The following ASCC1 variants were observed in gnomAD, a reference collection of about 807,000 sequenced individuals.
ASCC1 encodes activating signal cointegrator 1 complex subunit 1, also known as ASC-1 complex subunit P50.
In ASCC1, 35 loss-of-function variants were observed where a neutral mutation model predicts 46.6. That is an observed-to-expected ratio of 0.75 (90% CI 0.57 to 0.99). The LOEUF (loss-of-function observed/expected upper bound fraction) is 0.99. ASCC1 is among the 50% of genes least tolerant of loss of function. The pLI is 0.00. For missense variants in ASCC1, 376 were observed against 428.7 expected, an observed-to-expected ratio of 0.88 and a Z score of 1.09; for synonymous variants, 143 against 146.6, an observed-to-expected ratio of 0.98 and a Z score of 0.18.
intron 9 of ASCC1, among the ~76,000 whole-genome samples, chr10:72,113,586 A>G (rs552301106): frequency 6.6e-6 from 1 of 152,332 alleles, no homozygotes; most frequent in Non-Finnish European, 1.5e-5. Flanking sequence ...CCAAGGAAAA[A>G]ATTTGGTGAA....
intron 4 of ASCC1, chr10:72,198,481 G>A (rs1002175201): frequency 2.2e-6 from 1 of 452,768 alleles, no homozygotes; most frequent in African/African-American, 2.0e-5. Flanking sequence ...CAAAGGCCAA[G>A]GCAGGAGGAT....
intron 5 of ASCC1, chr10:72,190,113 G>C: frequency 1.3e-6 from 1 of 759,968 alleles, no homozygotes. Context: ...ACCAAGCAAG[G>C]TTACATTATA....
chr10:72,146,873 G>A (rs191521397), intron 7 of ASCC1, among the ~76,000 whole-genome samples: 14 of 151,978 alleles, frequency 9.2e-5, no homozygotes, highest in Non-Finnish European at 1.9e-4. Flanking sequence ...TTAAGTGCTT[G>A]TATCTTCATT....
chr10:72,105,203 C>A (rs1842209070), intron 9 of ASCC1, among the ~76,000 whole-genome samples: 1 of 152,214 alleles, frequency 6.6e-6, no homozygotes, highest in Non-Finnish European at 1.5e-5. Context: ...GGCAGCCACC[C>A]CACATGACGA....
At chr10:72,146,467 G>A (rs752160816) in intron 7 of ASCC1, among the ~76,000 whole-genome samples, 16 of 152,184 alleles carry the variant, frequency 1.1e-4, no homozygotes, top group South Asian at 2.1e-4. Context: ...GAAAATAGGT[G>A]AACTGTGATA....
intron 7 of ASCC1, among the ~76,000 whole-genome samples, chr10:72,148,450 A>G (rs11000190): frequency 0.16 from 23,986 of 152,182 alleles, 5,997 homozygotes; most frequent in African/African-American, 0.53. Context: ...GACAAATTAT[A>G]GTTATTCAGG....
intron 8 of ASCC1, among the ~76,000 whole-genome samples, chr10:72,128,485 T>C (rs974019140): frequency 3.9e-5 from 6 of 152,238 alleles, no homozygotes; most frequent in Non-Finnish European, 7.3e-5. Flanking sequence ...TAGTTCCTCA[T>C]TGACAAAGTG....
At chr10:72,162,047 A>G (rs1474110367) in intron 5 of ASCC1, among the ~76,000 whole-genome samples, 1 of 152,234 alleles carries the variant, frequency 6.6e-6, no homozygotes, top group Non-Finnish European at 1.5e-5. Context: ...AGGAAAGTGA[A>G]AAGAAGCCTA....
chr10:72,191,103 G>A (rs1221042338), intron 5 of ASCC1, among the ~76,000 whole-genome samples: 2 of 150,350 alleles, frequency 1.3e-5, no homozygotes, highest in African/African-American at 4.9e-5. Flanking sequence ...TGTCGCCCAG[G>A]CTGGAGTGCA....
chr10:72,179,005 G>A (rs753084500), intron 5 of ASCC1, among the ~76,000 whole-genome samples: 92 of 152,092 alleles, frequency 6.0e-4, no homozygotes, highest in Non-Finnish European at 4.6e-4. Context: ...TAATGAACGT[G>A]TCCTTAGATA....
intron 7 of ASCC1, among the ~76,000 whole-genome samples, chr10:72,151,995 T>A (rs1385426779): frequency 7.3e-6 from 1 of 137,858 alleles, no homozygotes; most frequent in Non-Finnish European, 1.6e-5. Flanking sequence ...GGCCAATATT[T>A]TTTTTTTTTT....
chr10:72,193,048 G>A (rs1020509019), intron 5 of ASCC1, among the ~76,000 whole-genome samples: 2 of 152,166 alleles, frequency 1.3e-5, no homozygotes, highest in African/African-American at 4.8e-5. Flanking sequence ...ATGCAAAACA[G>A]TACATGCATT....
intron 7 of ASCC1, among the ~76,000 whole-genome samples, chr10:72,144,101 C>T (rs1003050313): frequency 1.3e-5 from 2 of 151,980 alleles, no homozygotes; most frequent in Non-Finnish European, 1.5e-5. Context: ...CTCAGCCTCC[C>T]AAGTAGCTGG....
intron 2 of ASCC1, among the ~76,000 whole-genome samples, chr10:72,212,887 T>A (rs1858370004): frequency 6.6e-6 from 1 of 152,028 alleles, no homozygotes; most frequent in Non-Finnish European, 1.5e-5. Flanking sequence ...ATTACAACTC[T>A]ACAACGGAAC....
Position 72,210,719 on chromosome 10 carries a change from G to C in ASCC1, c.212+13C>G. 1 of 1,611,436 alleles carries C rather than the reference G, an allele frequency of 6.2e-7. No homozygotes were observed. Among genetic ancestry groups the C allele is most frequent in the East Asian group, 2.2e-5 (1 of 44,874 alleles). ...AAGTGTCTTCCCATGAAACTGTTGG[G>C]GACATGACTCACTTATAGAGCAAGC... is the stretch of plus-strand genomic sequence containing the variant. On this transcript the variant is annotated intron_variant, in intron 3 of 9. Coordinates refer to ENST00000672957, the MANE Select transcript of ASCC1 (RefSeq NM_001198800.3).
chr10:72,161,585 G>A lies in ASCC1; in HGVS notation c.579C>T (p.Ile193=). Residue 193 remains isoleucine (I), a synonymous_variant, in exon 6 of 10, where the codon ATC becomes ATT. Transcript: ENST00000672957. The part of the protein sequence containing the change: ...GMLVLLSEEE[I]QQTCEMLQQC... ...GCTGTAGCATCTCACATGTCTGCTG[G>A]ATCTCTTCCTCACTCAAAAGCACCA... is the stretch of plus-strand genomic sequence containing the variant. 2 of 1,614,112 alleles carry A rather than the reference G, an allele frequency of 1.2e-6. No individual in the cohort carries two copies. The highest frequency in any genetic ancestry group is 1.7e-6 in the Non-Finnish European group (2 of 1,180,026).
intron 4 of ASCC1, among the ~76,000 whole-genome samples, chr10:72,197,693 G>A (rs1304069668): frequency 6.6e-6 from 1 of 151,702 alleles, no homozygotes; most frequent in Non-Finnish European, 1.5e-5. Context: ...ATCACTTGAG[G>A]TCAGGAGTTC....
At chr10:72,190,057 T>C in intron 5 of ASCC1, 1 of 758,150 alleles carries the variant, frequency 1.3e-6, no homozygotes, top group South Asian at 1.3e-5. Flanking sequence ...TCCACAGTGC[T>C]CCCCACCCCA....
intron 1 of ASCC1, among the ~76,000 whole-genome samples, chr10:72,214,193 AAC>A (rs1858662771): frequency 7.7e-6 from 1 of 130,472 alleles, no homozygotes; most frequent in African/African-American, 4.1e-5. Context: ...TCTCTCAAAA[AAC>A]AACAACAACA....
Sources: allele counts gnomAD v4.1 joint callset (sites outside exome capture counted in the v4.1 genomes callset), GRCh38; gene constraint gnomAD v4.1.1; transcripts MANE v1.5; gene names NCBI Gene and HGNC (gene_info 2026-07-23, HGNC 2026-07-21).